Variants in GRIK4 observed in about 807,000 individuals in gnomAD.
GRIK4 encodes glutamate receptor ionotropic, kainate 4.
GRIK4 carries 40 observed loss-of-function variants against 104.9 expected under a neutral mutation model. The observed-to-expected ratio is 0.38, with a 90% CI of 0.30 to 0.50. The LOEUF (loss-of-function observed/expected upper bound fraction) is 0.50. GRIK4 is among the 20% of genes least tolerant of loss of function. The probability of loss-of-function intolerance (pLI) is 0.93; values close to 1 mark genes in which losing one functional copy is unlikely to be tolerated. For synonymous variants in GRIK4, 485 were observed against 524.9 expected (o/e 0.92, Z 1.04); for missense variants, 1,047 against 1,308.1 (o/e 0.80, Z 3.08).
intron 18 of GRIK4, among the ~76,000 whole-genome samples, chr11:120,965,985 A>G (rs1037181869): frequency 2.0e-5 from 3 of 152,224 alleles, no homozygotes; most frequent in Non-Finnish European, 4.4e-5. Context: ...GTTGTTTTCC[A>G]GCCTCTTGGC....
In GRIK4 at chr11:120,943,144, ACACACACCCC is replaced by A. The variant is rs1191222161; in HGVS notation, c.1590+2686_1590+2695del. On this transcript the variant is annotated intron_variant, in intron 14 of 20. Coordinates refer to ENST00000527524, the MANE Select transcript of GRIK4 (RefSeq NM_014619.5). ...CACACACACACACACACACACACAC[ACACACACCCC>A]CCTGACTGTTTGGTGAGGATTCCTC... 3.3e-3 allele frequency among the ~76,000 whole-genome samples: 410 copies of A among 122,998 alleles called. 4 individuals carry two copies. The highest frequency in any genetic ancestry group is 0.015 in the African/African-American group (355 of 23,646). 80.7% of individuals were successfully genotyped at this position (122,998 alleles called of 152,430 possible).
chr11:120,849,505 C>A (rs901640289), intron 8 of GRIK4, among the ~76,000 whole-genome samples: 1 of 152,196 alleles, frequency 6.6e-6, no homozygotes, highest in Non-Finnish European at 1.5e-5. Flanking sequence ...AAAAATCTAC[C>A]CATTTCCCAA....
intron 6 of GRIK4, among the ~76,000 whole-genome samples, chr11:120,821,008 C>A (rs1441819269): frequency 6.6e-6 from 1 of 152,110 alleles, no homozygotes; most frequent in Non-Finnish European, 1.5e-5. Flanking sequence ...TTAGATCTCC[C>A]CATTTCAAAG....
At chr11:120,963,440 T>C (rs1944327269) in intron 18 of GRIK4, among the ~76,000 whole-genome samples, 2 of 152,198 alleles carry the variant, frequency 1.3e-5, no homozygotes, top group Non-Finnish European at 2.9e-5. Flanking sequence ...GCTGTGGTGA[T>C]TGTGAAGGGG....
chr11:120,683,039 TCAGAGATACCTTCATTGTAG>T (rs1325844423), intron 3 of GRIK4, among the ~76,000 whole-genome samples: 2 of 152,062 alleles, frequency 1.3e-5, no homozygotes, highest in Non-Finnish European at 2.9e-5. Context: ...TCATCGTTCC[TCAGAGATACCTTCATTGTAG>T]CAGACTTACT....
chr11:120,867,199 T>C (rs1255400474), intron 9 of GRIK4, among the ~76,000 whole-genome samples: 1 of 152,024 alleles, frequency 6.6e-6, no homozygotes, highest in Non-Finnish European at 1.5e-5. Context: ...GCAGCGACAA[T>C]AGCAACACAC....
chr11:120,752,052 C>T (rs1347197948), intron 3 of GRIK4, among the ~76,000 whole-genome samples: 1 of 152,124 alleles, frequency 6.6e-6, no homozygotes, highest in East Asian at 1.9e-4. Flanking sequence ...GGCAGCTGTG[C>T]ACCCCACCAA....
At chr11:120,599,849 G>A (rs114731834) in intron 1 of GRIK4, among the ~76,000 whole-genome samples, 224 of 152,370 alleles carry the variant, frequency 1.5e-3, no homozygotes, top group African/African-American at 5.1e-3. Flanking sequence ...CGAGCAAGGA[G>A]CAAGTCAAAC....
chr11:120,525,686 T>G (rs960198486), intron 1 of GRIK4, among the ~76,000 whole-genome samples: 1 of 152,190 alleles, frequency 6.6e-6, no homozygotes, highest in Non-Finnish European at 1.5e-5. Flanking sequence ...CTGATGGTTC[T>G]CCTCTGAGCA....
intron 11 of GRIK4, among the ~76,000 whole-genome samples, chr11:120,881,802 C>T (rs1022354620): frequency 4.6e-5 from 7 of 152,140 alleles, no homozygotes; most frequent in African/African-American, 7.2e-5. Flanking sequence ...GATCCTCCTG[C>T]GTTGGCAGCA....
At chr11:120,707,862 A>G (rs951570175) in intron 3 of GRIK4, among the ~76,000 whole-genome samples, 1 of 152,158 alleles carries the variant, frequency 6.6e-6, no homozygotes, top group Non-Finnish European at 1.5e-5. Context: ...TCTGCACGCT[A>G]CTTGAGCTTC....
At chr11:120,749,887 A>G (rs1283626589) in intron 3 of GRIK4, among the ~76,000 whole-genome samples, 1 of 152,194 alleles carries the variant, frequency 6.6e-6, no homozygotes, top group East Asian at 1.9e-4. Flanking sequence ...AGAAAGATAA[A>G]TCAATCTGGC....
intron 16 of GRIK4, among the ~76,000 whole-genome samples, chr11:120,959,500 A>G (rs1412289999): frequency 1.3e-5 from 2 of 152,240 alleles, no homozygotes; most frequent in African/African-American, 4.8e-5. Flanking sequence ...ATAAAGCCCC[A>G]TGAACTCAGG....
intron 3 of GRIK4, among the ~76,000 whole-genome samples, chr11:120,799,898 A>T (rs1190874519): frequency 1.3e-5 from 2 of 151,974 alleles, no homozygotes. Context: ...CCCAGGCTGG[A>T]GTGCAATGGC....
intron 3 of GRIK4, among the ~76,000 whole-genome samples, chr11:120,722,381 G>A (rs993548730): frequency 2.0e-5 from 3 of 152,136 alleles, no homozygotes; most frequent in Non-Finnish European, 4.4e-5. Flanking sequence ...CACTTTGGGA[G>A]GCCGAGGCAG....
At chr11:120,523,117 A>C (rs1947814919) in intron 1 of GRIK4, among the ~76,000 whole-genome samples, 1 of 149,916 alleles carries the variant, frequency 6.7e-6, no homozygotes, top group South Asian at 2.2e-4. Flanking sequence ...CAGGGGGCCA[A>C]AATTTCAGCT....
chr11:120,688,130 A>T (rs1950302608), intron 3 of GRIK4, among the ~76,000 whole-genome samples: 1 of 152,112 alleles, frequency 6.6e-6, no homozygotes, highest in South Asian at 2.1e-4. Flanking sequence ...TAGAAATGAC[A>T]TACCCTCCGG....
chr11:120,742,096 A>G (rs1260797666), intron 3 of GRIK4, among the ~76,000 whole-genome samples: 1 of 152,172 alleles, frequency 6.6e-6, no homozygotes, highest in Non-Finnish European at 1.5e-5. Context: ...CTGTAATCCC[A>G]GCATTTTGAG....
rs545962824 is a variant in GRIK4 at position 120,967,666 on chromosome 11, C to T, written c.2395+343C>T. The stretch of plus-strand genomic sequence containing the variant: ...GCCTGGTTTCAGTTTCCCATTCTTG[C>T]GTCTCTACAGTATATTCTCCGCTAC... On this transcript the variant is annotated intron_variant, in intron 19 of 20. Transcript: ENST00000527524. This position sits in a 1 kb window ranked among gnomAD's most constrained non-coding sequence, Gnocchi z 4.2. Among the ~76,000 whole-genome samples, 3 of 152,278 alleles carry T rather than the reference C, an allele frequency of 2.0e-5. No homozygotes were observed. The highest frequency in any genetic ancestry group is 3.9e-4 in the East Asian group (2 of 5,184).
Sources: allele counts gnomAD v4.1 joint callset (sites outside exome capture counted in the v4.1 genomes callset), GRCh38; gene constraint gnomAD v4.1.1; non-coding constraint Gnocchi (gnomAD v3.1); transcripts MANE v1.5; gene names NCBI Gene and HGNC (gene_info 2026-07-23, HGNC 2026-07-21).